IQSEC1: variants seen among roughly 807,000 people sequenced by gnomAD.
The protein encoded by IQSEC1 is IQ motif and Sec7 domain ArfGEF 1.
A neutral mutation model predicts 91.0 loss-of-function variants in IQSEC1; 31 were observed. That is an observed-to-expected ratio of 0.34 (90% CI 0.26 to 0.46). IQSEC1 has a LOEUF of 0.46. Among genes scored for constraint, IQSEC1 ranks in the 20% least tolerant of loss-of-function variants. IQSEC1 has a pLI of 1.00. For synonymous variants in IQSEC1, 699 were observed against 662.6 expected (o/e 1.05, Z -0.84); for missense variants, 1,388 against 1,575.6 (o/e 0.88, Z 2.02).
Position 12,932,977 on chromosome 3 carries a change from C to T in IQSEC1, c.1568+2471G>A, listed in dbSNP as rs146539555. Among the ~76,000 whole-genome samples the T allele has an allele frequency of 6.7e-3, 1,016 of 152,390 alleles. 13 individuals carry two copies. The highest frequency in any genetic ancestry group is 0.024 in the African/African-American group (982 of 41,592). On this transcript the variant is annotated intron_variant, in intron 3 of 13. Coordinates refer to ENST00000613206, the MANE Select transcript of IQSEC1 (RefSeq NM_001134382.3). Reference sequence around the variant, plus strand: ...CGTTTCTGTTCTTCCTCCCCGCTTGCTGCTGGCTCTCCCACTTTGGTACAT... The same window carrying T: ...CGTTTCTGTTCTTCCTCCCCGCTTGTTGCTGGCTCTCCCACTTTGGTACAT...
chr3:13,063,024 G>C (rs1275754760), intron 1 of IQSEC1, among the ~76,000 whole-genome samples: 2 of 152,242 alleles, frequency 1.3e-5, no homozygotes, highest in African/African-American at 4.8e-5. Context: ...GGGCATCTCT[G>C]GCGCAGCCCC....
intron 1 of IQSEC1, among the ~76,000 whole-genome samples, chr3:13,006,596 A>G (rs1020881147): frequency 1.3e-5 from 2 of 152,252 alleles, no homozygotes; most frequent in Non-Finnish European, 2.9e-5. Context: ...CAAACACACA[A>G]TCACGTGTTT....
intron 1 of IQSEC1, among the ~76,000 whole-genome samples, chr3:13,037,456 C>T (rs1367479396): frequency 6.6e-6 from 1 of 152,106 alleles, no homozygotes. Flanking sequence ...TACTATACAC[C>T]AGTGAAAATG....
chr3:13,165,986 C>T (rs991335034), intron 1 of IQSEC1, among the ~76,000 whole-genome samples: 2 of 152,188 alleles, frequency 1.3e-5, no homozygotes, highest in African/African-American at 4.8e-5. Flanking sequence ...TGTAAGTTCC[C>T]TAATAAATGC....
upstream of IQSEC1, among the ~76,000 whole-genome samples, chr3:13,074,872 C>T (rs1705538115): frequency 6.6e-6 from 1 of 152,182 alleles, no homozygotes; most frequent in South Asian, 2.1e-4. Flanking sequence ...AGGAAATGAA[C>T]CTCAGGGGGT....
rs1318131241 is a variant in IQSEC1, at chr3:12,940,428, T to TA, written c.318+1142dup. 1.3e-5 allele frequency among the ~76,000 whole-genome samples: 2 copies of TA among 151,150 alleles called. No individual in the cohort carries two copies. The highest frequency in any genetic ancestry group is 3.0e-5 in the Non-Finnish European group (2 of 67,794). On this transcript the variant is annotated intron_variant, in intron 2 of 13. Transcript: ENST00000613206. This position sits in a 1 kb window ranked among gnomAD's most constrained non-coding sequence, Gnocchi z 4.4. ...ACAAAAACAACCCAAAAATTGTTTT[T>TA]AAAGAAAAAGGATAACCAGGAAGAT... is the stretch of plus-strand genomic sequence containing the variant.
At chr3:13,176,075 T>C (rs1056690778) in intron 1 of IQSEC1, among the ~76,000 whole-genome samples, 1 of 152,214 alleles carries the variant, frequency 6.6e-6, no homozygotes, top group Non-Finnish European at 1.5e-5. Flanking sequence ...CTCTCTGTGA[T>C]TGCTCGCTCT....
At chr3:13,107,894 C>T (rs1706177973) in intron 2 of IQSEC1, among the ~76,000 whole-genome samples, 1 of 152,266 alleles carries the variant, frequency 6.6e-6, no homozygotes, top group Admixed American at 6.5e-5. Context: ...GAGCTCATGC[C>T]TGCTGCACAC....
At position 12,994,484 on chromosome 3, in the gene IQSEC1, G is replaced by A. The variant is rs927680874; in HGVS notation, c.24-52619C>T. 1.3e-5 allele frequency among the ~76,000 whole-genome samples: 2 copies of A among 152,046 alleles called. No individual in the cohort carries two copies. The highest frequency in any genetic ancestry group is 1.3e-4 in the Admixed American group (2 of 15,278). On this transcript the variant is annotated intron_variant, in intron 1 of 13. Coordinates refer to ENST00000613206, the MANE Select transcript of IQSEC1 (RefSeq NM_001134382.3). The surrounding 1 kb of genome is among the most constrained non-coding windows in gnomAD (Gnocchi z 4.5). ...GGAGAGCGGGGTACGCGGGGTCCAGGCGCGGAACCGGGGGCACTGCGACCC... is the reference window on the plus strand; with the variant it reads ...GGAGAGCGGGGTACGCGGGGTCCAGACGCGGAACCGGGGGCACTGCGACCC...
rs1291780329 is a variant in IQSEC1, at chr3:13,100,632, C to T, written c.303-53110G>A. Among the ~76,000 whole-genome samples the T allele has an allele frequency of 6.7e-5, 10 of 148,770 alleles. 2 individuals carry two copies. Among genetic ancestry groups the T allele is most frequent in the Admixed American group, 6.7e-5 (1 of 15,024 alleles). On this transcript the variant is annotated intron_variant, in intron 2 of 15. Transcript: ENST00000648114. ...GGGTGAGTGGGAGAAACAGGCACAA[C>T]GCCACCAAAGCACTGGTAAATCCAG... is the stretch of plus-strand genomic sequence containing the variant.
At chr3:13,020,282 G>A (rs888309967) in intron 1 of IQSEC1, among the ~76,000 whole-genome samples, 8 of 152,190 alleles carry the variant, frequency 5.3e-5, no homozygotes, top group Non-Finnish European at 8.8e-5. Flanking sequence ...GCAGGCAGCC[G>A]CTGACTCACT....
At chr3:12,903,074 A>G (rs1173946755) in intron 12 of IQSEC1, among the ~76,000 whole-genome samples, 1 of 152,200 alleles carries the variant, frequency 6.6e-6, no homozygotes, top group East Asian at 1.9e-4. Flanking sequence ...TTTTTAAACC[A>G]GCCCCAATTT....
At chr3:12,919,451 G>A (rs1425256876) in intron 6 of IQSEC1, among the ~76,000 whole-genome samples, 9 of 152,146 alleles carry the variant, frequency 5.9e-5, no homozygotes, top group Admixed American at 4.6e-4. Context: ...CTGCCACAGC[G>A]GCACCCGCCA....
chr3:13,239,457 G>A (rs17037945), intron 1 of IQSEC1, among the ~76,000 whole-genome samples: 12,954 of 152,308 alleles, frequency 0.085, 1,799 homozygotes, highest in African/African-American at 0.29. Flanking sequence ...CATCAGAGCC[G>A]CGGACACAGG....
In IQSEC1 at chr3:13,250,583, G is replaced by A. The variant is rs181346706; in HGVS notation, c.272+32128C>T. The stretch of plus-strand genomic sequence containing the variant: ...CGAGTAGCTGGGATTACAGGCGCCC[G>A]CCTCCACCTCACCCAGATAATTTAT... On this transcript the variant is annotated intron_variant, in intron 1 of 15. Transcript: ENST00000648114. 3.7e-3 allele frequency among the ~76,000 whole-genome samples: 561 copies of A among 149,784 alleles called. 5 individuals are homozygous for A. The highest frequency in any genetic ancestry group is 0.012 in the African/African-American group (487 of 40,490).
intron 2 of IQSEC1, among the ~76,000 whole-genome samples, chr3:13,112,803 C>T (rs961751560): frequency 4.6e-5 from 7 of 152,210 alleles, no homozygotes; most frequent in African/African-American, 7.2e-5. Flanking sequence ...AGGTGACACA[C>T]GGAGGAGGAA....
chr3:13,012,244 C>G (rs73028770), intron 1 of IQSEC1, among the ~76,000 whole-genome samples: 22,639 of 152,170 alleles, frequency 0.15, 2,446 homozygotes, highest in East Asian at 0.44. Flanking sequence ...ACAGCCAGGT[C>G]AGCTCCACTG....
chr3:13,040,738 T>TG (rs1339961376), intron 1 of IQSEC1, among the ~76,000 whole-genome samples: 1 of 152,206 alleles, frequency 6.6e-6, no homozygotes, highest in Non-Finnish European at 1.5e-5. Flanking sequence ...TTTTCCCATG[T>TG]GGTTTCCCCT....
At chr3:13,172,830 G>T (rs146170759) in intron 1 of IQSEC1, among the ~76,000 whole-genome samples, 1 of 152,116 alleles carries the variant, frequency 6.6e-6, no homozygotes, top group Non-Finnish European at 1.5e-5. Context: ...TCCCAGCCAC[G>T]TGCCTCTGGG....
Sources: gnomAD v4.1 joint callset for allele counts (sites outside exome capture counted in the v4.1 genomes callset) on GRCh38, gnomAD v4.1.1 for gene constraint, Gnocchi (gnomAD v3.1) non-coding constraint, MANE v1.5 for transcripts, NCBI Gene and HGNC (gene_info 2026-07-23, HGNC 2026-07-21) for gene names.